Variants in MAPK8IP3 observed in about 807,000 individuals in gnomAD.
MAPK8IP3 encodes mitogen-activated protein kinase 8 interacting protein 3.
In MAPK8IP3, 49 loss-of-function variants were observed where a neutral mutation model predicts 157.8. That is an observed-to-expected ratio of 0.31 (90% CI 0.25 to 0.39). The LOEUF (loss-of-function observed/expected upper bound fraction) is 0.39. Among genes scored for constraint, MAPK8IP3 ranks in the 10% least tolerant of loss-of-function variants. The pLI is 1.00. For synonymous variants in MAPK8IP3, 897 were observed against 777.7 expected, an observed-to-expected ratio of 1.15 and a Z score of -2.55; for missense variants, 1,478 against 1,889.4, an observed-to-expected ratio of 0.78 and a Z score of 4.04.
intron 8 of MAPK8IP3, among the ~76,000 whole-genome samples, chr16:1,756,927 T>G (rs1043195085): frequency 3.3e-5 from 5 of 152,084 alleles, no homozygotes; most frequent in Admixed American, 3.3e-4. Flanking sequence ...GGGGTCCCGT[T>G]TTTGTTCTTT....
At chr16:1,765,553 G>A (rs747047989) in intron 20 of MAPK8IP3, among the ~76,000 whole-genome samples, 4 of 152,190 alleles carry the variant, frequency 2.6e-5, no homozygotes, top group Non-Finnish European at 5.9e-5. Context: ...GAGGAGCTTC[G>A]TGTCACCCCT....
At position 1,737,449 on chromosome 16, in the gene MAPK8IP3, TGA is replaced by T. The variant is rs1477291888; in HGVS notation, c.603-5881_603-5880del. 6.6e-4 allele frequency among the ~76,000 whole-genome samples: 64 copies of T among 96,348 alleles called. 6 individuals are homozygous for T. Among genetic ancestry groups the T allele is most frequent in the African/African-American group, 1.8e-3 (44 of 24,332 alleles). 63.2% of individuals were successfully genotyped at this position (96,348 alleles called of 152,430 possible). A position where few individuals can be genotyped will look rare whatever the true frequency, so the allele number is the denominator to read the frequency against. ...CCGTGTGAGTGTGTGAGCGTCCGTGTGAGTGTGACCACCCATGTGAGCATCTG... is the reference window on the plus strand; with the variant it reads ...CCGTGTGAGTGTGTGAGCGTCCGTGTGTGTGACCACCCATGTGAGCATCTG... On this transcript the variant is annotated intron_variant, in intron 4 of 31. Coordinates refer to ENST00000610761, the MANE Select transcript of MAPK8IP3 (RefSeq NM_001318852.2).
At chr16:1,733,689 C>A (rs1305773978) in intron 4 of MAPK8IP3, among the ~76,000 whole-genome samples, 1 of 152,206 alleles carries the variant, frequency 6.6e-6, no homozygotes, top group African/African-American at 2.4e-5. Context: ...TGGTGGTGCA[C>A]CTCGTCCTTG....
intron 8 of MAPK8IP3, chr16:1,752,319 G>A (rs993269533): frequency 9.7e-6 from 2 of 206,748 alleles, no homozygotes; most frequent in Admixed American, 6.1e-5. Flanking sequence ...TGCACTCTGG[G>A]CTCTGCCACC....
intron 2 of MAPK8IP3, among the ~76,000 whole-genome samples, chr16:1,728,410 G>A (rs1009351504): frequency 1.3e-5 from 2 of 152,242 alleles, no homozygotes; most frequent in African/African-American, 2.4e-5. Flanking sequence ...CCTCCCGCAA[G>A]CTTCTTGTGC....
rs777730087 is a variant in MAPK8IP3 at position 1,767,716 on chromosome 16, C to T, written c.3390C>T (p.Pro1130=). 1.9e-6 allele frequency: 3 copies of T among 1,612,738 alleles called. No homozygotes were observed. Among genetic ancestry groups the T allele is most frequent in the Non-Finnish European group, 2.5e-6 (3 of 1,179,948 alleles). ...HQHLQDVDIE[P]YVSKMLGTGK... The stretch of plus-strand genomic sequence containing the variant: ...ATCTACAGGACGTGGACATTGAGCC[C>T]TACGTCAGCAAGATGCTAGGTGAGG... Residue 1130 remains proline, a synonymous_variant, in exon 27 of 32, where the codon CCC becomes CCT. Coordinates refer to ENST00000610761, the MANE Select transcript of MAPK8IP3 (RefSeq NM_001318852.2).
intron 8 of MAPK8IP3, chr16:1,748,980 C>T: frequency 1.7e-6 from 1 of 601,644 alleles, no homozygotes; most frequent in Non-Finnish European, 3.1e-6. Context: ...TTGCACCCTC[C>T]CGTGTACTCT....
intron 8 of MAPK8IP3, among the ~76,000 whole-genome samples, chr16:1,757,012 G>A (rs1414076520): frequency 6.6e-6 from 1 of 151,684 alleles, no homozygotes; most frequent in African/African-American, 2.4e-5. Flanking sequence ...CTGGGAAGCC[G>A]AGATGAGAGA....
chr16:1,708,644 G>A (rs1339860197), intron 1 of MAPK8IP3, among the ~76,000 whole-genome samples: 2 of 152,200 alleles, frequency 1.3e-5, no homozygotes, highest in Non-Finnish European at 2.9e-5. Context: ...AAGCTGGCGG[G>A]TGTGCGTGTG....
chr16:1,712,001 C>T (rs1236557317), intron 1 of MAPK8IP3, among the ~76,000 whole-genome samples: 1 of 148,506 alleles, frequency 6.7e-6, no homozygotes, highest in Non-Finnish European at 1.5e-5. Context: ...CTTGTCACCC[C>T]AAGTATCTAG....
At chr16:1,732,522 C>T (rs537886655) in intron 4 of MAPK8IP3, among the ~76,000 whole-genome samples, 1 of 152,366 alleles carries the variant, frequency 6.6e-6, no homozygotes, top group African/African-American at 2.4e-5. Flanking sequence ...AGGGGCGTGC[C>T]GTGGAGCCTG....
In MAPK8IP3 at chr16:1,766,314, C is replaced by T. The variant is rs762921671; in HGVS notation, c.2724C>T (p.Ser908=). ...EATEVPDPGP[S]EPETATLRPG... is the part of the protein sequence containing the mutation. ...CGGAGGTGCCAGACCCTGGGCCCAG[C>T]GAGCCAGAGACAGCCACATTGCGGC... The change falls in exon 22 of 32, where the codon AGC becomes AGT. Residue 908 remains serine (S), a synonymous_variant. Coordinates refer to ENST00000610761, the MANE Select transcript of MAPK8IP3 (RefSeq NM_001318852.2). The T allele has an allele frequency of 1.2e-5, 19 of 1,612,538 alleles. No individual in the cohort carries two copies. Among genetic ancestry groups the T allele is most frequent in the Middle Eastern group, 1.6e-4 (1 of 6,084 alleles).
chr16:1,766,745 G>T lies in MAPK8IP3; in HGVS notation c.2962G>T (p.Ala988Ser). 6.2e-7 allele frequency: 1 copy of T among 1,612,856 alleles called. No individual in the cohort carries two copies. Among genetic ancestry groups the T allele is most frequent in the Non-Finnish European group, 8.5e-7 (1 of 1,179,922 alleles). The stretch of plus-strand genomic sequence containing the variant: ...TAGGCTCTATGTGCACTCGGCTGTG[G>T]CCAACTGGAAGAAGTGCCTGCACTC... Reference protein sequence around the residue: ...NGWLYVHSAVANWKKCLHSIK... With the variant: ...NGWLYVHSAVSNWKKCLHSIK... The change falls in exon 24 of 32, where the codon GCC becomes TCC. Residue 988 changes from alanine (A) to serine (S), a missense_variant. Physicochemically the swap from Ala to Ser is moderately conservative, Grantham distance 99. This residue lies in a region of MAPK8IP3 where 669 missense variants were observed against 759.8 expected (regional missense o/e 0.88). Coordinates refer to ENST00000610761, the MANE Select transcript of MAPK8IP3 (RefSeq NM_001318852.2).
At chr16:1,747,554 T>C (rs982149990) in intron 6 of MAPK8IP3, among the ~76,000 whole-genome samples, 3 of 152,336 alleles carry the variant, frequency 2.0e-5, no homozygotes, top group South Asian at 2.1e-4. Flanking sequence ...CATAGCCCCA[T>C]TGGATTAGAG....
At chr16:1,729,231 G>C in intron 3 of MAPK8IP3, 23 bp downstream of exon 3, 1 of 1,613,234 alleles carries the variant, frequency 6.2e-7, no homozygotes, top group Non-Finnish European at 8.5e-7. Context: ...AGGCAAGCGC[G>C]GAGACGAGGG....
intron 4 of MAPK8IP3, among the ~76,000 whole-genome samples, chr16:1,736,665 ACCGT>A (rs371641525): frequency 6.7e-4 from 34 of 50,460 alleles, no homozygotes; most frequent in African/African-American, 7.8e-4. Context: ...TGAGCGTGTG[ACCGT>A]CCGTGTGAGC....
chr16:1,729,110 C>A, intron 2 of MAPK8IP3, 28 bp from the exon 3 acceptor site: 1 of 1,605,962 alleles, frequency 6.2e-7, no homozygotes, highest in Non-Finnish European at 8.5e-7. Context: ...GCGTCTTGTG[C>A]GGCTCAGACA....
intron 6 of MAPK8IP3, 134 bp downstream of exon 6, chr16:1,747,409 G>A: frequency 7.5e-7 from 1 of 1,330,078 alleles, no homozygotes; most frequent in Non-Finnish European, 1.0e-6. Context: ...GGAGGCTGGG[G>A]TCCAAGATCA....
At chr16:1,712,308 A>G (rs1422634207) in intron 1 of MAPK8IP3, among the ~76,000 whole-genome samples, 1 of 151,722 alleles carries the variant, frequency 6.6e-6, no homozygotes, top group Non-Finnish European at 1.5e-5. Context: ...TGATCCACCC[A>G]TCTCGGCCTC....
Sources: allele counts gnomAD v4.1 joint callset (sites outside exome capture counted in the v4.1 genomes callset), GRCh38; gene constraint gnomAD v4.1.1; regional missense constraint gnomAD v4.1.1; transcripts MANE v1.5; gene names NCBI Gene and HGNC (gene_info 2026-07-23, HGNC 2026-07-21).